TRIM6: variants seen among roughly 807,000 people sequenced by gnomAD.
The protein encoded by TRIM6 is tripartite motif-containing protein 6.
A neutral mutation model predicts 51.2 loss-of-function variants in TRIM6; 43 were observed. The observed-to-expected ratio is 0.84, with a 90% CI of 0.66 to 1.08. The LOEUF is 1.08. Among genes scored for constraint, TRIM6 ranks in the 50% least tolerant of loss-of-function variants. The probability of loss-of-function intolerance (pLI) is 0.00; values close to 1 mark genes in which losing one functional copy is unlikely to be tolerated. For missense variants in TRIM6, 669 were observed against 619.0 expected (o/e 1.08, Z -0.86); for synonymous variants, 215 against 232.4 (o/e 0.93, Z 0.68).
chr11:5,610,673 C>A (rs1451126464), intron 7 of TRIM6, 104 bp from the exon 8 acceptor site: 2 of 1,567,094 alleles, frequency 1.3e-6, no homozygotes, highest in East Asian at 4.5e-5. Context: ...CCATCCCCGC[C>A]ATATAGTTCC....
rs990767940 is a variant in TRIM6 at position 5,596,685 on chromosome 11, C to G, written c.-213C>G. The G allele has an allele frequency of 1.5e-6, 1 of 684,654 alleles. No individual in the cohort carries two copies. Among genetic ancestry groups the G allele is most frequent in the Non-Finnish European group, 2.4e-6 (1 of 412,888 alleles). The allele number at this position is 684,654 out of a possible 1,614,324, so 42.4% of individuals were successfully genotyped here. On this transcript the variant is annotated 5_prime_UTR_variant, in exon 1 of 8. Transcript: ENST00000380097. ...TCCGCAAACTCCTGACCTGTGGGTC[C>G]GTCCGTTCAACGGCCAAAGGCTGGC...
At chr11:5,606,903 A>G (rs1848243023) in intron 4 of TRIM6, among the ~76,000 whole-genome samples, 1 of 152,162 alleles carries the variant, frequency 6.6e-6, no homozygotes, top group Non-Finnish European at 1.5e-5. Flanking sequence ...ATTGTTGCCC[A>G]TTAAGATTTT....
rs746718799 is a variant in TRIM6, at chr11:5,610,290, G to A, written c.958+45G>A. ...AGAGTTTGGATGTGAAATTACTGTC[G>A]TGGGAAGAAATAAACGGGATAGAGG... On this transcript the variant is annotated intron_variant, in intron 6 of 7. Transcript: ENST00000380097. 1.7e-5 allele frequency: 28 copies of A among 1,612,672 alleles called. 1 individual carries two copies. The Middle Eastern group carries it at 6.6e-4, about 38-fold the overall frequency.
intron 1 of TRIM6, among the ~76,000 whole-genome samples, chr11:5,600,786 G>A (rs1017667895): frequency 1.3e-5 from 2 of 152,124 alleles, no homozygotes; most frequent in Non-Finnish European, 2.9e-5. Context: ...ACTGTGGCCT[G>A]TTCAGAACAG....
rs1292921473 is a variant in TRIM6 at position 5,611,912 on chromosome 11, G to A, written c.*570G>A. The A allele has an allele frequency of 5.3e-5, 8 of 151,966 alleles. No homozygotes were observed. The highest frequency in any genetic ancestry group is 1.9e-4 in the African/African-American group (8 of 41,346). The allele number at this position is 151,966 out of a possible 1,614,324, so 9.4% of individuals were successfully genotyped here. A position where few individuals can be genotyped will look rare whatever the true frequency, so the allele number is the denominator to read the frequency against. On this transcript the variant is annotated 3_prime_UTR_variant, in exon 8 of 8. Coordinates refer to ENST00000380097, the MANE Select transcript of TRIM6 (RefSeq NM_001003818.3). ...GCAGGTTTTTTTTGATTGATGCAGGGGATCAAATTTAGGAAGTTCTGATCT... is the reference window on the plus strand; with the variant it reads ...GCAGGTTTTTTTTGATTGATGCAGGAGATCAAATTTAGGAAGTTCTGATCT...
rs568430050 is a variant in TRIM6, at chr11:5,600,724, T to G, written c.18-2522T>G. 3.9e-5 allele frequency among the ~76,000 whole-genome samples: 6 copies of G among 152,322 alleles called. No individual in the cohort carries two copies. In the East Asian group the frequency reaches 1.2e-3, roughly 29 times the overall value. On this transcript the variant is annotated intron_variant, in intron 1 of 7. Coordinates refer to ENST00000380097, the MANE Select transcript of TRIM6 (RefSeq NM_001003818.3). Reference sequence around the variant, plus strand: ...TTTTACATCAGTGTACATTTACTTTTGCTGGGAAACCAGCCAAAGACAAGT... The same window carrying G: ...TTTTACATCAGTGTACATTTACTTTGGCTGGGAAACCAGCCAAAGACAAGT...
At chr11:5,599,648 C>G (rs945936480) in intron 1 of TRIM6, among the ~76,000 whole-genome samples, 5 of 152,178 alleles carry the variant, frequency 3.3e-5, no homozygotes, top group African/African-American at 1.2e-4. Flanking sequence ...TGTGATCCGC[C>G]TGCCTCAGCC....
intron 4 of TRIM6, among the ~76,000 whole-genome samples, chr11:5,607,032 T>C (rs1590107249): frequency 6.6e-6 from 1 of 151,972 alleles, no homozygotes; most frequent in East Asian, 1.9e-4. Context: ...TGAAACCCCG[T>C]CTCTACTAAA....
chr11:5,611,221 T>C lies in TRIM6; in HGVS notation c.1430T>C (p.Val477Ala), dbSNP rs748821598. 3.1e-6 allele frequency: 5 copies of C among 1,613,572 alleles called. No individual in the cohort carries two copies. In the South Asian group the frequency reaches 5.5e-5, roughly 18 times the overall value. Residue 477 changes from valine (V) to alanine (A), a missense_variant, in exon 8 of 8, where the codon GTC (valine) becomes GCC (alanine). Transcript: ENST00000380097. The stretch of plus-strand genomic sequence containing the variant: ...GCTGGTACTGTCTCCTTTTATAATG[T>C]CACAAACCATGGCTTCCCCATCTAC... ...YEAGTVSFYNVTNHGFPIYTF... is the reference protein window; with the variant it reads ...YEAGTVSFYNATNHGFPIYTF...
intron 4 of TRIM6, among the ~76,000 whole-genome samples, chr11:5,607,205 A>AC (rs894926532): frequency 2.7e-5 from 4 of 150,886 alleles, no homozygotes; most frequent in African/African-American, 9.7e-5. Flanking sequence ...CTCCATCTCA[A>AC]AAAAAAAAAA....
At position 5,610,992 on chromosome 11, in the gene TRIM6, A is replaced by G; in HGVS notation, c.1201A>G (p.Ser401Gly). The change falls in exon 8 of 8, where the codon AGC becomes GGC. Residue 401 changes from serine (S) to glycine (G), a missense_variant. By Grantham distance (56) the Ser-to-Gly change is moderately conservative. Transcript: ENST00000380097. ...GACTGCCTGGATCCTGGGGGTATGC[A>G]GCAATTCACTGGGACCTACATTCTC... ...KKTAWILGVC[S>G]NSLGPTFSFN... 6.2e-7 allele frequency: 1 copy of G among 1,614,164 alleles called. No individual in the cohort carries two copies. Among genetic ancestry groups the G allele is most frequent in the Non-Finnish European group, 8.5e-7 (1 of 1,180,022 alleles).
At chr11:5,605,189 C>T (rs1174725538) in intron 3 of TRIM6, 148 bp from the exon 4 acceptor site, 1 of 1,072,524 alleles carries the variant, frequency 9.3e-7, no homozygotes, top group East Asian at 2.4e-5. Context: ...GAACAGGCTA[C>T]AAAGGCTTTC....
rs1450076335 is a variant in TRIM6, at chr11:5,610,819, T to C, written c.1028T>C (p.Val343Ala). The C allele has an allele frequency of 6.2e-7, 1 of 1,614,072 alleles. No homozygotes were observed. The highest frequency in any genetic ancestry group is 8.5e-7 in the Non-Finnish European group (1 of 1,180,048). Residue 343 changes from valine to alanine, a missense_variant, in exon 8 of 8, where the codon GTC (valine) becomes GCC (alanine). Transcript: ENST00000380097. ...LNPHTANLNL[V>A]LAKNRRQVRF... Reference sequence around the variant, plus strand: ...CCACACACAGCTAATTTAAATCTTGTCCTGGCTAAAAACCGGAGACAAGTG... The same window carrying C: ...CCACACACAGCTAATTTAAATCTTGCCCTGGCTAAAAACCGGAGACAAGTG...
chr11:5,598,691 C>G (rs1847631536), intron 1 of TRIM6, among the ~76,000 whole-genome samples: 2 of 152,208 alleles, frequency 1.3e-5, no homozygotes, highest in Non-Finnish European at 2.9e-5. Flanking sequence ...AGCCACACTT[C>G]AAATGCTCAA....
intron 4 of TRIM6, 122 bp downstream of exon 4, chr11:5,605,689 A>G (rs993519716): frequency 2.5e-6 from 3 of 1,202,350 alleles, no homozygotes; most frequent in East Asian, 2.5e-5. Context: ...CTTTGGCGCT[A>G]TAGTGCCTAT....
At chr11:5,603,769 A>G in intron 2 of TRIM6, 34 bp downstream of exon 2, 1 of 1,605,880 alleles carries the variant, frequency 6.2e-7, no homozygotes. Flanking sequence ...AGACAGAGAA[A>G]CAGGGTCTTT....
intron 5 of TRIM6, 45 bp downstream of exon 5, chr11:5,608,439 T>C: frequency 1.2e-6 from 2 of 1,610,824 alleles, no homozygotes; most frequent in East Asian, 2.2e-5. Context: ...GACTGACAAA[T>C]GATTCCTTTA....
intron 1 of TRIM6, among the ~76,000 whole-genome samples, chr11:5,601,968 G>T (rs1192946376): frequency 1.3e-5 from 2 of 152,090 alleles, no homozygotes; most frequent in Non-Finnish European, 2.9e-5. Flanking sequence ...GGTCACAGAT[G>T]ATCACTGTAG....
rs1475353453 is a variant in TRIM6 at position 5,612,333 on chromosome 11, C to G, written c.*991C>G. The G allele has an allele frequency of 2.6e-5, 4 of 152,116 alleles. No homozygotes were observed. The highest frequency in any genetic ancestry group is 5.9e-5 in the Non-Finnish European group (4 of 68,022). The allele number at this position is 152,116 out of a possible 1,614,324, so 9.4% of individuals were successfully genotyped here. A position where few individuals can be genotyped will look rare whatever the true frequency, so the allele number is the denominator to read the frequency against. Reference sequence around the variant, plus strand: ...ATGATAATTTGGGTAGCTTCAAACTCAAATTGAAGAGAGTCTTCACTACAA... The same window carrying G: ...ATGATAATTTGGGTAGCTTCAAACTGAAATTGAAGAGAGTCTTCACTACAA... On this transcript the variant is annotated 3_prime_UTR_variant, in exon 8 of 8. Coordinates refer to ENST00000380097, the MANE Select transcript of TRIM6 (RefSeq NM_001003818.3).
Sources: gnomAD v4.1 joint callset for allele counts (sites outside exome capture counted in the v4.1 genomes callset) on GRCh38, gnomAD v4.1.1 for gene constraint, MANE v1.5 for transcripts, NCBI Gene and HGNC (gene_info 2026-07-23, HGNC 2026-07-21) for gene names.